MDGA2: variants seen among roughly 807,000 people sequenced by gnomAD.
The protein encoded by MDGA2 is MAM domain containing glycosylphosphatidylinositol anchor 2.
Under a neutral mutation model 117.8 loss-of-function variants are expected in MDGA2, and 40 were observed. The observed-to-expected ratio is 0.34, with a 90% confidence interval of 0.26 to 0.44. MDGA2 has a LOEUF of 0.44. Ranked by LOEUF, MDGA2 falls within the 20% of genes least tolerant of loss-of-function variation. The pLI is 1.00. For missense variants in MDGA2, 1,123 were observed against 1,250.6 expected (o/e 0.90, Z 1.54); for synonymous variants, 452 against 439.0 (o/e 1.03, Z -0.37).
chr14:47,389,213 A>G (rs149571156), intron 1 of MDGA2, among the ~76,000 whole-genome samples: 119 of 152,292 alleles, frequency 7.8e-4, no homozygotes, highest in African/African-American at 2.7e-3. Context: ...TTTGATTAAC[A>G]CAGTGTATAC....
At chr14:47,271,364 G>A (rs1303595428) in intron 2 of MDGA2, among the ~76,000 whole-genome samples, 18 of 152,104 alleles carry the variant, frequency 1.2e-4, no homozygotes, top group Admixed American at 1.1e-3. Flanking sequence ...CAAGTCTGTT[G>A]GCCAACTAAG....
chr14:47,490,586 C>G (rs982209009), intron 1 of MDGA2, among the ~76,000 whole-genome samples: 1 of 151,884 alleles, frequency 6.6e-6, no homozygotes, highest in South Asian at 2.1e-4. Context: ...CTTTCACAAT[C>G]GTATACATAT....
intron 1 of MDGA2, among the ~76,000 whole-genome samples, chr14:47,466,725 G>C (rs79396538): frequency 0.12 from 17,622 of 152,062 alleles, 1,173 homozygotes; most frequent in African/African-American, 0.16. Context: ...TGAAATAGAT[G>C]TTTAGAGCAG....
intron 1 of MDGA2, among the ~76,000 whole-genome samples, chr14:47,348,573 T>C (rs755930019): frequency 2.0e-5 from 3 of 152,060 alleles, no homozygotes; most frequent in Non-Finnish European, 2.9e-5. Context: ...TATAATTGCT[T>C]GAGAGAGGGG....
At chr14:47,108,339 A>G (rs1339884625) in intron 5 of MDGA2, among the ~76,000 whole-genome samples, 1 of 152,212 alleles carries the variant, frequency 6.6e-6, no homozygotes, top group African/African-American at 2.4e-5. Context: ...GCCCAAGCCA[A>G]GCCATCGCAT....
chr14:47,252,926 G>A (rs1276246192), intron 2 of MDGA2, among the ~76,000 whole-genome samples: 1 of 152,118 alleles, frequency 6.6e-6, no homozygotes, highest in Non-Finnish European at 1.5e-5. Flanking sequence ...AACAATCATG[G>A]CAGAAGGCGA....
intron 1 of MDGA2, among the ~76,000 whole-genome samples, chr14:47,611,060 C>G (rs952723066): frequency 6.6e-6 from 1 of 151,782 alleles, no homozygotes; most frequent in Non-Finnish European, 1.5e-5. Context: ...AACCCAAATA[C>G]TTACAGCCAA....
intron 1 of MDGA2, among the ~76,000 whole-genome samples, chr14:47,493,682 C>T (rs1271454972): frequency 6.6e-6 from 1 of 152,010 alleles, no homozygotes; most frequent in African/African-American, 2.4e-5. Flanking sequence ...AAGTAACTAT[C>T]GAATACTTTT....
At chr14:47,268,934 A>G (rs1888055430) in intron 2 of MDGA2, among the ~76,000 whole-genome samples, 1 of 87,238 alleles carries the variant, frequency 1.1e-5, no homozygotes, top group Non-Finnish European at 2.2e-5. Flanking sequence ...CTTTTTCTGT[A>G]AGCATATTAA....
At chr14:47,656,663 T>C (rs1897750272) in intron 1 of MDGA2, among the ~76,000 whole-genome samples, 1 of 152,130 alleles carries the variant, frequency 6.6e-6, no homozygotes, top group Admixed American at 6.6e-5. Context: ...GTACCTCCTA[T>C]GGGAGTGGGC....
At chr14:47,313,169 G>C (rs1019747658) in intron 1 of MDGA2, among the ~76,000 whole-genome samples, 1 of 152,046 alleles carries the variant, frequency 6.6e-6, no homozygotes, top group African/African-American at 2.4e-5. Flanking sequence ...GAAGTGATGA[G>C]ATCATGTTTT....
At chr14:47,033,600 G>A (rs1888738352) in intron 8 of MDGA2, among the ~76,000 whole-genome samples, 1 of 152,114 alleles carries the variant, frequency 6.6e-6, no homozygotes, top group African/African-American at 2.4e-5. Context: ...AGACTGTCAT[G>A]AGTATAGAGG....
chr14:47,420,587 G>T lies in MDGA2; in HGVS notation c.281-119037C>A, dbSNP rs561487595. 1.5e-4 allele frequency among the ~76,000 whole-genome samples: 23 copies of T among 152,216 alleles called. No homozygotes were observed. In the South Asian group the frequency reaches 4.2e-3, roughly 27 times the overall value. On this transcript the variant is annotated intron_variant, in intron 1 of 16. Transcript: ENST00000399232. ...AACACAAATTCTAAAATTTGGAGCT[G>T]ATGAAAATGGACACATGTGGCCAGA...
intron 10 of MDGA2, among the ~76,000 whole-genome samples, chr14:46,891,670 A>G (rs1490880164): frequency 6.6e-6 from 1 of 151,522 alleles, no homozygotes; most frequent in Admixed American, 6.6e-5. Flanking sequence ...AAGAAGGTGA[A>G]ATTTCGATAC....
In MDGA2 at chr14:47,104,249, T is replaced by C. The variant is rs1441029785; in HGVS notation, c.926-7126A>G. 2.6e-5 allele frequency among the ~76,000 whole-genome samples: 4 copies of C among 152,218 alleles called. No individual in the cohort carries two copies. The East Asian group carries it at 5.8e-4, about 22-fold the overall frequency. On this transcript the variant is annotated intron_variant, in intron 5 of 16. Coordinates refer to ENST00000399232, the MANE Select transcript of MDGA2 (RefSeq NM_001113498.3). ...TCGCATCCCCTGTGACTTGCACGTATATGCCCAGATGGCCTGAAGTAACTG... is the reference window on the plus strand; with the variant it reads ...TCGCATCCCCTGTGACTTGCACGTACATGCCCAGATGGCCTGAAGTAACTG...
intron 5 of MDGA2, among the ~76,000 whole-genome samples, chr14:47,114,687 A>C (rs1023943229): frequency 6.6e-6 from 1 of 152,204 alleles, no homozygotes; most frequent in South Asian, 2.1e-4. Context: ...TCCCTATTTA[A>C]TATATAGTGC....
At chr14:47,155,968 G>A (rs1250065452) in intron 3 of MDGA2, among the ~76,000 whole-genome samples, 1 of 124,000 alleles carries the variant, frequency 8.1e-6, no homozygotes, top group African/African-American at 3.1e-5. Flanking sequence ...GGAGAGCAGT[G>A]GCGCGATCTC....
intron 1 of MDGA2, among the ~76,000 whole-genome samples, chr14:47,350,809 G>T (rs1890861849): frequency 1.3e-5 from 2 of 152,204 alleles, no homozygotes; most frequent in African/African-American, 4.8e-5. Flanking sequence ...TCAATACAAA[G>T]TTTCAATAAA....
At chr14:47,645,487 T>G (rs1239685845) in intron 1 of MDGA2, among the ~76,000 whole-genome samples, 2 of 151,608 alleles carry the variant, frequency 1.3e-5, no homozygotes, top group African/African-American at 4.8e-5. Flanking sequence ...GCCCGCCTCG[T>G]CCTCCCAAAG....
Sources: allele counts gnomAD v4.1 joint callset (sites outside exome capture counted in the v4.1 genomes callset), GRCh38; gene constraint gnomAD v4.1.1; transcripts MANE v1.5; gene names NCBI Gene and HGNC (gene_info 2026-07-23, HGNC 2026-07-21).